The following CAP2 variants were observed in gnomAD, a reference collection of about 807,000 sequenced individuals.
CAP2 encodes the protein cyclase associated actin cytoskeleton regulatory protein 2.
A neutral mutation model predicts 57.7 loss-of-function variants in CAP2; 24 were observed. The ratio of observed to expected loss-of-function variants is 0.42; its 90% CI spans 0.30 to 0.58. The LOEUF is 0.58. Among genes scored for constraint, CAP2 ranks in the 20% least tolerant of loss-of-function variants. CAP2 has a pLI of 0.22. For missense variants in CAP2, 501 were observed against 590.3 expected (o/e 0.85, Z 1.57); for synonymous variants, 194 against 207.2 (o/e 0.94, Z 0.55).
chr6:17,531,857 C>G (rs959837905), intron 7 of CAP2, among the ~76,000 whole-genome samples: 1 of 152,112 alleles, frequency 6.6e-6, no homozygotes, highest in Non-Finnish European at 1.5e-5. Context: ...CCCAGCATCC[C>G]TCATGCATGT....
intron 3 of CAP2, among the ~76,000 whole-genome samples, chr6:17,435,982 C>A (rs986460222): frequency 6.6e-6 from 1 of 152,146 alleles, no homozygotes; most frequent in Non-Finnish European, 1.5e-5. Flanking sequence ...AGTCAGGGTC[C>A]TGGAAGGATA....
At chr6:17,399,702 T>C (rs981736122) in intron 1 of CAP2, among the ~76,000 whole-genome samples, 3 of 152,168 alleles carry the variant, frequency 2.0e-5, no homozygotes, top group African/African-American at 7.2e-5. Flanking sequence ...ATGGAGGAAG[T>C]AAATAACCTT....
intron 1 of CAP2, among the ~76,000 whole-genome samples, chr6:17,399,633 A>G (rs772489512): frequency 3.3e-5 from 5 of 152,164 alleles, no homozygotes; most frequent in Non-Finnish European, 7.3e-5. Context: ...TTGAACACTT[A>G]GCCACCTGCA....
chr6:17,426,809 C>A, intron 3 of CAP2, 119 bp downstream of exon 3: 1 of 686,470 alleles, frequency 1.5e-6, no homozygotes, highest in Non-Finnish European at 2.6e-6. Context: ...TCTGGCTAGG[C>A]AGATGGTGGC....
chr6:17,432,493 G>T (rs1417402071), intron 3 of CAP2, among the ~76,000 whole-genome samples: 1 of 152,110 alleles, frequency 6.6e-6, no homozygotes, highest in African/African-American at 2.4e-5. Context: ...CACTAGATGT[G>T]GAATATCTTG....
At chr6:17,492,763 C>G (rs1761575137) in intron 4 of CAP2, among the ~76,000 whole-genome samples, 1 of 152,180 alleles carries the variant, frequency 6.6e-6, no homozygotes, top group African/African-American at 2.4e-5. Flanking sequence ...CCTCTGACCC[C>G]TTTGTACTGC....
chr6:17,405,834 G>T (rs1380632704), intron 1 of CAP2, among the ~76,000 whole-genome samples: 1 of 152,046 alleles, frequency 6.6e-6, no homozygotes, highest in Non-Finnish European at 1.5e-5. Context: ...TCGACCTCCT[G>T]GGCTCAAGTG....
chr6:17,556,008 C>G (rs756579232), intron 12 of CAP2, among the ~76,000 whole-genome samples: 2 of 152,238 alleles, frequency 1.3e-5, no homozygotes, highest in Non-Finnish European at 2.9e-5. Context: ...TGCTTACTCT[C>G]AGGCCTCTGT....
At chr6:17,432,008 C>G (rs1443402207) in intron 3 of CAP2, among the ~76,000 whole-genome samples, 1 of 152,110 alleles carries the variant, frequency 6.6e-6, no homozygotes, top group Non-Finnish European at 1.5e-5. Flanking sequence ...CATCTTTCCA[C>G]TCTCCTGTGG....
At chr6:17,532,899 A>G (rs1322297036) in intron 7 of CAP2, among the ~76,000 whole-genome samples, 1 of 151,578 alleles carries the variant, frequency 6.6e-6, no homozygotes, top group African/African-American at 2.4e-5. Context: ...CCCTGTCTCT[A>G]CTAAAAATAC....
intron 4 of CAP2, among the ~76,000 whole-genome samples, chr6:17,503,977 G>A (rs926991276): frequency 1.3e-5 from 2 of 152,174 alleles, no homozygotes; most frequent in African/African-American, 4.8e-5. Flanking sequence ...CTTCAGTAAT[G>A]GATAGCTAAA....
intron 1 of CAP2, among the ~76,000 whole-genome samples, chr6:17,414,384 G>A (rs779939650): frequency 1.4e-4 from 21 of 151,770 alleles, no homozygotes; most frequent in Non-Finnish European, 2.2e-4. Context: ...CTATTGACCC[G>A]TCCTCCAAGT....
At position 17,541,246 on chromosome 6, in the gene CAP2, A is replaced by T. The variant is rs76909997; in HGVS notation, c.1002+98A>T. ...AAGATCTGAAGGATTTCTTTTTTTT[A>T]ATTTTTGTATTGGTACATAACATTT... On this transcript the variant is annotated intron_variant, in intron 9 of 12. Coordinates refer to ENST00000229922, the MANE Select transcript of CAP2 (RefSeq NM_006366.3). 9.6e-3 allele frequency: 8,689 copies of T among 907,150 alleles called. 503 individuals carry two copies. In the African/African-American group the frequency reaches 0.13, roughly 14 times the overall value. 56.2% of individuals were successfully genotyped at this position (907,150 alleles called of 1,614,324 possible).
At chr6:17,526,306 C>G (rs137958311) in intron 7 of CAP2, among the ~76,000 whole-genome samples, 1 of 151,944 alleles carries the variant, frequency 6.6e-6, no homozygotes, top group Non-Finnish European at 1.5e-5. Context: ...TTAGTAGAGA[C>G]AGCGTTTCAC....
chr6:17,528,537 G>T (rs1284388561), intron 7 of CAP2, among the ~76,000 whole-genome samples: 1 of 152,156 alleles, frequency 6.6e-6, no homozygotes, highest in African/African-American at 2.4e-5. Context: ...AGGAGGGTGG[G>T]AGGAGTGGAG....
intron 3 of CAP2, among the ~76,000 whole-genome samples, chr6:17,451,701 G>T (rs1344744529): frequency 6.6e-6 from 1 of 151,936 alleles, no homozygotes; most frequent in Non-Finnish European, 1.5e-5. Context: ...GTAGAGACGG[G>T]GTTTCTCCAT....
intron 1 of CAP2, among the ~76,000 whole-genome samples, chr6:17,408,947 G>A (rs1435601136): frequency 1.3e-5 from 2 of 151,772 alleles, no homozygotes; most frequent in Admixed American, 1.3e-4. Context: ...GGGATTACAG[G>A]CGTGAGCAAC....
intron 7 of CAP2, among the ~76,000 whole-genome samples, chr6:17,514,867 T>C (rs113878919): frequency 0.013 from 1,948 of 152,274 alleles, 23 homozygotes; most frequent in Middle Eastern, 0.02. Flanking sequence ...ATAAAGTCAA[T>C]TGCAAAAGTT....
At chr6:17,522,130 A>G (rs1233324153) in intron 7 of CAP2, among the ~76,000 whole-genome samples, 1 of 151,950 alleles carries the variant, frequency 6.6e-6, no homozygotes, top group Non-Finnish European at 1.5e-5. Context: ...AAAGGAAAGA[A>G]AAAAAAAGAA....
Sources: allele counts gnomAD v4.1 joint callset (sites outside exome capture counted in the v4.1 genomes callset), GRCh38; gene constraint gnomAD v4.1.1; transcripts MANE v1.5; gene names NCBI Gene and HGNC (gene_info 2026-07-23, HGNC 2026-07-21).